AGAP3: variants seen among roughly 807,000 people sequenced by gnomAD.
AGAP3 encodes the protein ArfGAP with GTPase domain, ankyrin repeat and PH domain 3, also known as arf-GAP with GTPase, ANK repeat and PH domain-containing protein 3.
AGAP3 carries 24 observed loss-of-function variants against 96.9 expected under a neutral mutation model. The observed-to-expected ratio is 0.25, with a 90% confidence interval of 0.18 to 0.35. The LOEUF is 0.35. Ranked by LOEUF, AGAP3 falls within the 10% of genes least tolerant of loss-of-function variation. The probability of loss-of-function intolerance (pLI) is 1.00; values close to 1 mark genes in which losing one functional copy is unlikely to be tolerated. For synonymous variants in AGAP3, 563 were observed against 536.1 expected (o/e 1.05, Z -0.69); for missense variants, 876 against 1,254.2 (o/e 0.70, Z 4.55).
At chr7:151,122,978 G>A (rs748357602) in intron 8 of AGAP3, 1 of 1,426,744 alleles carries the variant, frequency 7.0e-7, no homozygotes, top group Non-Finnish European at 9.1e-7. Flanking sequence ...GCTGGGGGCT[G>A]CCGGGGACCA....
In AGAP3 at chr7:151,096,296, G is replaced by T. The variant is rs755345607; in HGVS notation, c.331+9224G>T. Reference sequence around the variant, plus strand: ...GCCCAGGTGGCAGAGTGTGGGGTACGTTGGTTTAGCTCATCCAGGCCCAGG... The same window carrying T: ...GCCCAGGTGGCAGAGTGTGGGGTACTTTGGTTTAGCTCATCCAGGCCCAGG... On this transcript the variant is annotated intron_variant, in intron 1 of 17. Coordinates refer to ENST00000397238, the MANE Select transcript of AGAP3 (RefSeq NM_031946.7). This position sits in a 1 kb window ranked among gnomAD's most constrained non-coding sequence, Gnocchi z 4.4. 1.2e-4 allele frequency among the ~76,000 whole-genome samples: 18 copies of T among 152,170 alleles called. No homozygotes were observed. Among genetic ancestry groups the T allele is most frequent in the Non-Finnish European group, 2.2e-4 (15 of 68,034 alleles).
rs941115144 is a variant in AGAP3 at position 151,118,875 on chromosome 7, A to G, written c.969+243A>G. On this transcript the variant is annotated intron_variant, in intron 7 of 17. Transcript: ENST00000397238. This position sits in a 1 kb window ranked among gnomAD's most constrained non-coding sequence, Gnocchi z 6.1. Reference sequence around the variant, plus strand: ...CAATCCCCACTTCTCTCTGCTCTCCACCATTCCACAGCCTGCATTCCCTAC... The same window carrying G: ...CAATCCCCACTTCTCTCTGCTCTCCGCCATTCCACAGCCTGCATTCCCTAC... 1.1e-4 allele frequency among the ~76,000 whole-genome samples: 17 copies of G among 151,844 alleles called. No individual in the cohort carries two copies. The highest frequency in any genetic ancestry group is 2.1e-4 in the South Asian group (1 of 4,806).
chr7:151,089,265 G>C (rs1798287871), intron 1 of AGAP3, among the ~76,000 whole-genome samples: 1 of 152,228 alleles, frequency 6.6e-6, no homozygotes, highest in African/African-American at 2.4e-5. Context: ...CTGCGAAGCG[G>C]TGTCCCCACC....
chr7:151,093,065 G>A (rs1379947743), intron 1 of AGAP3, among the ~76,000 whole-genome samples: 1 of 152,154 alleles, frequency 6.6e-6, no homozygotes, highest in African/African-American at 2.4e-5. Flanking sequence ...TGGGTAGCAC[G>A]GATGTAGCGT....
chr7:151,142,031 C>A lies in AGAP3; in HGVS notation c.1938C>A (p.Gly646=). 6.2e-7 allele frequency: 1 copy of A among 1,613,904 alleles called. No individual in the cohort carries two copies. The highest frequency in any genetic ancestry group is 8.5e-7 in the Non-Finnish European group (1 of 1,179,870). Residue 646 remains glycine, a synonymous_variant, in exon 14 of 18, where the codon GGC becomes GGA. Coordinates refer to ENST00000397238, the MANE Select transcript of AGAP3 (RefSeq NM_031946.7). The surrounding 1 kb of genome is among the most constrained non-coding windows in gnomAD (Gnocchi z 7.5). ...CCCAGATCCTTGCCAGCCTGCAAGG[C>A]TGCCGCAGTGCCAAGGACAAGGTGG... The part of the protein sequence containing the change: ...VQAQILASLQ[G]CRSAKDKTRL...
intron 1 of AGAP3, 70 bp from the exon 2 acceptor site, chr7:151,116,723 A>C: frequency 1.3e-6 from 2 of 1,574,378 alleles, no homozygotes; most frequent in South Asian, 1.1e-5. Context: ...CATAGGTGAC[A>C]CAGGCAGCAG....
Position 151,140,162 on chromosome 7 carries a change from G to T in AGAP3, c.1804+46G>T. On this transcript the variant is annotated intron_variant, in intron 13 of 17. Coordinates refer to ENST00000397238, the MANE Select transcript of AGAP3 (RefSeq NM_031946.7). The surrounding 1 kb of genome is among the most constrained non-coding windows in gnomAD (Gnocchi z 5.4). Reference sequence around the variant, plus strand: ...AACCGGGCACAGGAGGTGGGCAGTGGGACTTGGGGATAGTACCCTAAAAGT... The same window carrying T: ...AACCGGGCACAGGAGGTGGGCAGTGTGACTTGGGGATAGTACCCTAAAAGT... 1 of 1,489,934 alleles carries T rather than the reference G, an allele frequency of 6.7e-7. No individual in the cohort carries two copies. The highest frequency in any genetic ancestry group is 1.4e-5 in the South Asian group (1 of 73,662). 92.3% of individuals were successfully genotyped at this position (1,489,934 alleles called of 1,614,324 possible).
At chr7:151,124,248 G>C (rs1006286006) in intron 9 of AGAP3, among the ~76,000 whole-genome samples, 5 of 152,196 alleles carry the variant, frequency 3.3e-5, no homozygotes, top group African/African-American at 1.2e-4. Context: ...TGCGTGGAAG[G>C]GGATACTGAG....
At position 151,118,349 on chromosome 7, in the gene AGAP3, C is replaced by A. The variant is rs765128507; in HGVS notation, c.841+5C>A. 3 of 1,607,954 alleles carry A rather than the reference C, an allele frequency of 1.9e-6. No homozygotes were observed. Among genetic ancestry groups the A allele is most frequent in the Non-Finnish European group, 2.6e-6 (3 of 1,175,382 alleles). On this transcript the variant is annotated splice_donor_5th_base_variant and intron_variant, in intron 6 of 17. Transcript: ENST00000397238. This position sits in a 1 kb window ranked among gnomAD's most constrained non-coding sequence, Gnocchi z 6.1. Reference sequence around the variant, plus strand: ...TGGAGCGTGTCTTCCAGGACGGTAACTCGGGTGCCGGGTGGGAGTCACTGG... The same window carrying A: ...TGGAGCGTGTCTTCCAGGACGGTAAATCGGGTGCCGGGTGGGAGTCACTGG...
intron 1 of AGAP3, among the ~76,000 whole-genome samples, chr7:151,091,171 C>T (rs1798383200): frequency 6.6e-6 from 1 of 152,192 alleles, no homozygotes; most frequent in Non-Finnish European, 1.5e-5. Flanking sequence ...CTGCATTCCG[C>T]CGTGGGCCCT....
rs561023950 is a variant in AGAP3, at chr7:151,108,411, C to T, written c.332-8382C>T. ...GTTTCCCTGCTCCTTGCACTGCTCT[C>T]GGTCCTGTGGCTCTCTCTGCCACCC... On this transcript the variant is annotated intron_variant, in intron 1 of 17. Coordinates refer to ENST00000397238, the MANE Select transcript of AGAP3 (RefSeq NM_031946.7). The surrounding 1 kb of genome is among the most constrained non-coding windows in gnomAD (Gnocchi z 4.2). 2.6e-5 allele frequency among the ~76,000 whole-genome samples: 4 copies of T among 152,170 alleles called. No individual in the cohort carries two copies. The highest frequency in any genetic ancestry group is 5.9e-5 in the Non-Finnish European group (4 of 68,024).
chr7:151,104,671 G>A (rs557700798), intron 1 of AGAP3, among the ~76,000 whole-genome samples: 4 of 152,346 alleles, frequency 2.6e-5, no homozygotes, highest in South Asian at 2.1e-4. Flanking sequence ...CCCCACCCAC[G>A]GCTGGTGGAG....
At chr7:151,104,003 G>T (rs532957605) in intron 1 of AGAP3, among the ~76,000 whole-genome samples, 15 of 149,610 alleles carry the variant, frequency 1.0e-4, no homozygotes, top group East Asian at 7.7e-4. Flanking sequence ...TTAGTGCCGT[G>T]GCGGGGGCGT....
rs4725997 is a variant in AGAP3 at position 151,126,934 on chromosome 7, C to T, written c.1222-1646C>T. Among the ~76,000 whole-genome samples the T allele has an allele frequency of 0.012, 1,861 of 152,318 alleles. 189 individuals are homozygous for T. In the East Asian group the frequency reaches 0.27, roughly 22 times the overall value. On this transcript the variant is annotated intron_variant, in intron 9 of 17. Transcript: ENST00000397238. ...TACTTCAACTCCCAGCCCGCATGCT[C>T]GCACCTCCAGCAATGGCATTTGGCC...
intron 1 of AGAP3, among the ~76,000 whole-genome samples, chr7:151,112,420 T>C (rs1799334146): frequency 6.6e-6 from 1 of 151,010 alleles, no homozygotes; most frequent in African/African-American, 2.4e-5. Context: ...TGTGTGTGTG[T>C]GTGTGTGTGT....
At chr7:151,119,064 T>A in intron 7 of AGAP3, 2 of 200,644 alleles carry the variant, frequency 1.0e-5, no homozygotes, top group Non-Finnish European at 1.0e-5. Context: ...GACCCTTCCC[T>A]TCAGGGCTGT....
intron 10 of AGAP3, among the ~76,000 whole-genome samples, chr7:151,130,699 A>G (rs1794338316): frequency 6.6e-6 from 1 of 152,122 alleles, no homozygotes; most frequent in Admixed American, 6.5e-5. Flanking sequence ...GCCCCGAAGC[A>G]TACTGGGCTA....
chr7:151,096,248 C>A lies in AGAP3; in HGVS notation c.331+9176C>A, dbSNP rs548189416. Among the ~76,000 whole-genome samples the A allele has an allele frequency of 3.3e-5, 5 of 152,268 alleles. No individual in the cohort carries two copies. The South Asian group carries it at 8.3e-4, about 25-fold the overall frequency. On this transcript the variant is annotated intron_variant, in intron 1 of 17. Coordinates refer to ENST00000397238, the MANE Select transcript of AGAP3 (RefSeq NM_031946.7). This position sits in a 1 kb window ranked among gnomAD's most constrained non-coding sequence, Gnocchi z 4.4. Reference sequence around the variant, plus strand: ...GGCTGCATGAGATCACAGGAATGACCATTTCCGGACCCGAGCCTGAGAGCC... The same window carrying A: ...GGCTGCATGAGATCACAGGAATGACAATTTCCGGACCCGAGCCTGAGAGCC...
At chr7:151,099,669 C>T (rs984174282) in intron 1 of AGAP3, among the ~76,000 whole-genome samples, 3 of 152,172 alleles carry the variant, frequency 2.0e-5, no homozygotes, top group Non-Finnish European at 2.9e-5. Flanking sequence ...GCACCGGGAC[C>T]GGGCCGCTGG....
Sources: gnomAD v4.1 joint callset for allele counts (sites outside exome capture counted in the v4.1 genomes callset) on GRCh38, gnomAD v4.1.1 for gene constraint, Gnocchi (gnomAD v3.1) non-coding constraint, MANE v1.5 for transcripts, NCBI Gene and HGNC (gene_info 2026-07-23, HGNC 2026-07-21) for gene names.